The following ST3GAL6 variants were observed in gnomAD, a reference collection of about 807,000 sequenced individuals.
The protein encoded by ST3GAL6 is type 2 lactosamine alpha-2,3-sialyltransferase.
In ST3GAL6, 31 loss-of-function variants were observed where a neutral mutation model predicts 40.5. That is an observed-to-expected ratio of 0.77 (90% confidence interval 0.58 to 1.03). ST3GAL6 has a LOEUF of 1.03. Ranked by LOEUF, ST3GAL6 falls within the 50% of genes least tolerant of loss-of-function variation. ST3GAL6 has a pLI of 0.00. For synonymous variants in ST3GAL6, 129 were observed against 136.9 expected (o/e 0.94, Z 0.40); for missense variants, 357 against 393.2 (o/e 0.91, Z 0.78).
rs766239492 is a variant in ST3GAL6 at position 98,788,482 on chromosome 3, A to G, written c.756+19A>G. The G allele has an allele frequency of 6.3e-6, 10 of 1,587,026 alleles. No individual in the cohort carries two copies. The highest frequency in any genetic ancestry group is 3.5e-5 in the South Asian group (3 of 85,526). On this transcript the variant is annotated intron_variant, in intron 8 of 9. Coordinates refer to ENST00000483910, the MANE Select transcript of ST3GAL6 (RefSeq NM_001323368.2). ...AAATCAGGTATGTATTTATCTCTGC[A>G]TGGTTTCAAACTACAGATCTGGCTG...
chr3:98,733,345 A>C, intron 1 of ST3GAL6: 4 of 1,097,748 alleles, frequency 3.6e-6, no homozygotes, highest in Non-Finnish European at 3.3e-6. Context: ...GGCCGAGAGA[A>C]TCTGCTCTGG....
intron 4 of ST3GAL6, 32 bp downstream of exon 4, chr3:98,772,948 A>T (rs1939152889): frequency 2.2e-6 from 3 of 1,389,270 alleles, no homozygotes; most frequent in African/African-American, 1.4e-5. Flanking sequence ...TGGTTCTGTT[A>T]AATTTGAGTG....
rs1181811463 is a variant in ST3GAL6 at position 98,784,964 on chromosome 3, G to T, written c.355G>T (p.Val119Leu). 1 of 1,613,130 alleles carries T rather than the reference G, an allele frequency of 6.2e-7. No individual in the cohort carries two copies. The highest frequency in any genetic ancestry group is 1.7e-5 in the Admixed American group (1 of 59,998). Residue 119 changes from valine (V) to leucine (L), a missense_variant, in exon 6 of 10, where the codon GTG (valine) becomes TTG (leucine). Coordinates refer to ENST00000483910, the MANE Select transcript of ST3GAL6 (RefSeq NM_001323368.2). ...EFDNIPCKKCVVVGNGGVLKN... is the reference protein window; with the variant it reads ...EFDNIPCKKCLVVGNGGVLKN... ...CAACAGCATACCCTGTAAAAAGTGTGTGGTGGTTGGTAATGGAGGAGTTTT... is the reference window on the plus strand; with the variant it reads ...CAACAGCATACCCTGTAAAAAGTGTTTGGTGGTTGGTAATGGAGGAGTTTT...
At chr3:98,735,115 C>G (rs1174696200) in intron 1 of ST3GAL6, among the ~76,000 whole-genome samples, 1 of 152,100 alleles carries the variant, frequency 6.6e-6, no homozygotes, top group Non-Finnish European at 1.5e-5. Flanking sequence ...TTCTCATATG[C>G]TATTTTATTT....
chr3:98,735,346 A>G (rs1935449144), intron 1 of ST3GAL6, among the ~76,000 whole-genome samples: 1 of 152,136 alleles, frequency 6.6e-6, no homozygotes, highest in Non-Finnish European at 1.5e-5. Flanking sequence ...CTCCATTTAT[A>G]TATACCTTGG....
intron 5 of ST3GAL6, among the ~76,000 whole-genome samples, chr3:98,778,485 T>G (rs925437574): frequency 3.9e-5 from 6 of 152,206 alleles, no homozygotes; most frequent in African/African-American, 1.4e-4. Context: ...CAAGGAGAGC[T>G]TGAGGATGAG....
rs149934448 is a variant in ST3GAL6, at chr3:98,744,695, C to T, written c.-12+12163C>T. 9.0e-4 allele frequency among the ~76,000 whole-genome samples: 137 copies of T among 152,094 alleles called. 2 individuals carry two copies. The highest frequency in any genetic ancestry group is 3.2e-3 in the African/African-American group (133 of 41,490). On this transcript the variant is annotated intron_variant, in intron 1 of 9. Coordinates refer to the ST3GAL6 transcript ENST00000265261. ...TCATCCTCCTAGACCAGATTGGGGC[C>T]ACACCTCTGGTGTCCAGTTTTTCCC...
intron 1 of ST3GAL6, among the ~76,000 whole-genome samples, chr3:98,767,727 C>CT (rs1189380259): frequency 2.0e-5 from 3 of 152,036 alleles, no homozygotes; most frequent in East Asian, 3.8e-4. Context: ...TCTATAAAGG[C>CT]TTTTTTTGCA....
intron 6 of ST3GAL6, among the ~76,000 whole-genome samples, chr3:98,786,936 A>T (rs1940774616): frequency 1.4e-5 from 2 of 142,342 alleles, no homozygotes; most frequent in Admixed American, 1.4e-4. Context: ...AGGTCAAGAT[A>T]AGGTCATCAT....
rs369996406 is a variant in ST3GAL6 at position 98,766,405 on chromosome 3, CTTTTTTTTTTTTTT to C, written c.-11-2006_-11-1993del. On this transcript the variant is annotated intron_variant, in intron 1 of 9. Transcript: ENST00000483910. ...GTTGGATCTTTGCATAAATGTCATT[CTTTTTTTTTTTTTT>C]TTTTTTTTTTTTTTTTTTGGGAAAG... Among the ~76,000 whole-genome samples, 16 of 104,108 alleles carry C rather than the reference CTTTTTTTTTTTTTT, an allele frequency of 1.5e-4. No individual in the cohort carries two copies. The East Asian group carries it at 2.4e-3, about 15-fold the overall frequency. 68.3% of individuals were successfully genotyped at this position (104,108 alleles called of 152,430 possible). A position where few individuals can be genotyped will look rare whatever the true frequency, so the allele number is the denominator to read the frequency against.
At chr3:98,790,277 T>C (rs1240545972) in intron 8 of ST3GAL6, among the ~76,000 whole-genome samples, 3 of 152,084 alleles carry the variant, frequency 2.0e-5, no homozygotes, top group Non-Finnish European at 4.4e-5. Flanking sequence ...AGAAGTAAAA[T>C]TGTTGAGAAG....
intron 3 of ST3GAL6, among the ~76,000 whole-genome samples, chr3:98,772,606 A>C (rs571651997): frequency 2.0e-5 from 3 of 151,982 alleles, no homozygotes. Context: ...TTTTCATTTC[A>C]GTTGTGTAGT....
intron 1 of ST3GAL6, among the ~76,000 whole-genome samples, chr3:98,755,810 ATT>A (rs1553711983): frequency 4.6e-5 from 2 of 43,782 alleles, no homozygotes; most frequent in African/African-American, 8.6e-5. Flanking sequence ...GATTTTTTTC[ATT>A]TTTTTTTTTT....
intron 1 of ST3GAL6, chr3:98,732,874 C>G: frequency 6.6e-7 from 1 of 1,512,346 alleles, no homozygotes; most frequent in Non-Finnish European, 8.8e-7. Context: ...ATGTGGCAGG[C>G]GCCGCGAGAG....
chr3:98,787,018 A>G (rs1940794312), intron 6 of ST3GAL6, among the ~76,000 whole-genome samples: 1 of 151,402 alleles, frequency 6.6e-6, no homozygotes, highest in East Asian at 1.9e-4. Context: ...AAAGAATGGC[A>G]AAGTTAGCAT....
At chr3:98,756,968 T>C (rs1241708467) in intron 1 of ST3GAL6, among the ~76,000 whole-genome samples, 1 of 152,222 alleles carries the variant, frequency 6.6e-6, no homozygotes, top group Non-Finnish European at 1.5e-5. Context: ...ATAGAATTAA[T>C]TCCAGTTCTC....
rs75673632 is a variant in ST3GAL6, at chr3:98,764,882, C to T, written c.-12+1443C>T. On this transcript the variant is annotated intron_variant, in intron 1 of 9. Coordinates refer to ENST00000483910, the MANE Select transcript of ST3GAL6 (RefSeq NM_001323368.2). ...GTTGTTATTCATTGAGCATTTACCA[C>T]GTGCTAGGCATTTAGGGTAAAAAAA... 1.3e-3 allele frequency among the ~76,000 whole-genome samples: 192 copies of T among 152,154 alleles called. 2 individuals carry two copies. In the East Asian group the frequency reaches 0.02, roughly 16 times the overall value.
intron 1 of ST3GAL6, among the ~76,000 whole-genome samples, chr3:98,735,062 A>G (rs1340877906): frequency 6.6e-6 from 1 of 152,216 alleles, no homozygotes; most frequent in Admixed American, 6.5e-5. Context: ...AGGTGAAGGA[A>G]GCATGGAACT....
chr3:98,740,082 T>C (rs1457739111), intron 1 of ST3GAL6, among the ~76,000 whole-genome samples: 1 of 152,236 alleles, frequency 6.6e-6, no homozygotes, highest in African/African-American at 2.4e-5. Flanking sequence ...CCAGATATGC[T>C]ACAATTAAAT....
Sources: gnomAD v4.1 joint callset for allele counts (sites outside exome capture counted in the v4.1 genomes callset) on GRCh38, gnomAD v4.1.1 for gene constraint, MANE v1.5 for transcripts, NCBI Gene and HGNC (gene_info 2026-07-23, HGNC 2026-07-21) for gene names.